Variants in UNC5C observed in about 807,000 individuals in gnomAD.
UNC5C encodes the protein unc-5 netrin receptor C, also known as netrin receptor UNC5C.
A neutral mutation model predicts 99.8 loss-of-function variants in UNC5C; 47 were observed. The observed-to-expected ratio is 0.47, with a 90% CI of 0.37 to 0.60. The LOEUF is 0.60. Among genes scored for constraint, UNC5C ranks in the 20% least tolerant of loss-of-function variants. The pLI is 0.00. For synonymous variants in UNC5C, 487 were observed against 452.2 expected, an observed-to-expected ratio of 1.08 and a Z score of -0.98; for missense variants, 1,062 against 1,165.9, an observed-to-expected ratio of 0.91 and a Z score of 1.30.
chr4:95,417,067 T>A (rs1746185135), intron 1 of UNC5C, among the ~76,000 whole-genome samples: 2 of 152,176 alleles, frequency 1.3e-5, no homozygotes, highest in South Asian at 4.1e-4. Flanking sequence ...AAGGTAAGTG[T>A]GAGAAGCAAG....
chr4:95,219,831 G>C (rs1738400324), intron 8 of UNC5C, among the ~76,000 whole-genome samples, 154 bp downstream of exon 8: 1 of 152,196 alleles, frequency 6.6e-6, no homozygotes. Flanking sequence ...AATTTGTTAT[G>C]TAAATGACAT....
rs117827000 is a variant in UNC5C at position 95,450,078 on chromosome 4, A to T, written c.124+98656T>A. Among the ~76,000 whole-genome samples the T allele has an allele frequency of 3.6e-4, 55 of 152,326 alleles. No homozygotes were observed. The East Asian group carries it at 0.01, about 28-fold the overall frequency. ...TCACCAAGGAGAATTCTATTTTATA[A>T]GAATCTCTCTGTTTCTATCTATACA... On this transcript the variant is annotated intron_variant, in intron 1 of 15. Coordinates refer to ENST00000453304, the MANE Select transcript of UNC5C (RefSeq NM_003728.4).
rs530815653 is a variant in UNC5C, at chr4:95,219,015, A to C, written c.1599T>G (p.Phe533Leu). 1.9e-6 allele frequency: 3 copies of C among 1,613,578 alleles called. No individual in the cohort carries two copies. The highest frequency in any genetic ancestry group is 3.3e-5 in the Admixed American group (2 of 59,972). Residue 533 changes from phenylalanine to leucine, a missense_variant, in exon 9 of 16, where the codon TTT (phenylalanine) becomes TTG (leucine). Physicochemically the swap from Phe to Leu is conservative, Grantham distance 22 (BLOSUM62 0). Transcript: ENST00000453304. ...GACCTCCCAGCGAGTTGAAGCTGCC[A>C]AATGCGGTACAGGATGGATCAGTCT... ...ARQTDPSCTA[F>L]GSFNSLGGHL...
intron 1 of UNC5C, among the ~76,000 whole-genome samples, chr4:95,458,883 T>C (rs548779950): frequency 6.6e-6 from 1 of 152,166 alleles, no homozygotes; most frequent in Admixed American, 6.5e-5. Context: ...GGAATTTATA[T>C]ATATCACTTT....
chr4:95,347,591 A>G (rs1743824688), intron 1 of UNC5C, among the ~76,000 whole-genome samples: 1 of 152,122 alleles, frequency 6.6e-6, no homozygotes. Context: ...TAACAAACCC[A>G]GAAACAAATT....
chr4:95,517,833 G>A (rs545870278), intron 1 of UNC5C, among the ~76,000 whole-genome samples: 4 of 152,040 alleles, frequency 2.6e-5, no homozygotes, highest in Non-Finnish European at 4.4e-5. Flanking sequence ...TTCTAAACAC[G>A]CTGTAAATTA....
chr4:95,190,725 G>A (rs931031260), intron 12 of UNC5C, among the ~76,000 whole-genome samples: 2 of 152,082 alleles, frequency 1.3e-5, no homozygotes, highest in African/African-American at 4.8e-5. Context: ...CTACACACGC[G>A]AACCATCAGT....
At chr4:95,233,269 G>T (rs1738980937) in intron 7 of UNC5C, among the ~76,000 whole-genome samples, 1 of 152,112 alleles carries the variant, frequency 6.6e-6, no homozygotes, top group Non-Finnish European at 1.5e-5. Flanking sequence ...CCAAAGTCAG[G>T]AAGTTCACTG....
intron 10 of UNC5C, among the ~76,000 whole-genome samples, chr4:95,213,735 G>A (rs1291153403): frequency 5.9e-5 from 9 of 152,180 alleles, no homozygotes; most frequent in Non-Finnish European, 1.2e-4. Flanking sequence ...ATTTTCCTAC[G>A]AATGCATAGT....
intron 3 of UNC5C, among the ~76,000 whole-genome samples, chr4:95,282,616 C>A (rs1178714870): frequency 6.6e-6 from 1 of 152,124 alleles, no homozygotes; most frequent in Non-Finnish European, 1.5e-5. Flanking sequence ...TCTGGACAGC[C>A]ATGTAGAAAT....
At chr4:95,234,004 AT>A (rs1211442786) in intron 7 of UNC5C, among the ~76,000 whole-genome samples, 2 of 152,080 alleles carry the variant, frequency 1.3e-5, no homozygotes, top group Non-Finnish European at 2.9e-5. Flanking sequence ...ATACAATTGT[AT>A]TTCAACTTAA....
At chr4:95,384,979 G>A (rs1025485241) in intron 1 of UNC5C, among the ~76,000 whole-genome samples, 3 of 151,638 alleles carry the variant, frequency 2.0e-5, no homozygotes, top group East Asian at 2.0e-4. Context: ...GATAGGACAG[G>A]GTTAAAAAGG....
intron 14 of UNC5C, among the ~76,000 whole-genome samples, chr4:95,176,984 G>GC (rs1358693001): frequency 6.8e-6 from 1 of 146,392 alleles, no homozygotes; most frequent in African/African-American, 2.8e-5. Flanking sequence ...CGCAGTACTT[G>GC]GGGGGGAGTG....
chr4:95,239,128 T>C (rs1349517768), intron 7 of UNC5C, among the ~76,000 whole-genome samples: 5 of 152,130 alleles, frequency 3.3e-5, no homozygotes, highest in Non-Finnish European at 2.9e-5. Context: ...TATTGACAGG[T>C]GTGGCTTATT....
intron 3 of UNC5C, among the ~76,000 whole-genome samples, chr4:95,297,285 A>G (rs949791482): frequency 1.3e-5 from 2 of 152,102 alleles, no homozygotes; most frequent in African/African-American, 4.8e-5. Flanking sequence ...CCCTCAATAC[A>G]CTGGCTGCAT....
chr4:95,344,531 C>T (rs942326779), intron 1 of UNC5C, among the ~76,000 whole-genome samples: 9 of 151,724 alleles, frequency 5.9e-5, no homozygotes, highest in East Asian at 5.8e-4. Context: ...AGCAAGTATA[C>T]GAAAAACACA....
At chr4:95,548,606 T>G in intron 1 of UNC5C, 128 bp downstream of exon 1, 2 of 1,073,356 alleles carry the variant, frequency 1.9e-6, no homozygotes, top group Non-Finnish European at 2.5e-6. Context: ...GAAAGTGGAA[T>G]TTAGAGTGGT....
chr4:95,453,900 A>G (rs768676638), intron 1 of UNC5C, among the ~76,000 whole-genome samples: 11 of 152,164 alleles, frequency 7.2e-5, no homozygotes, highest in Non-Finnish European at 1.3e-4. Flanking sequence ...TCAATGCATA[A>G]GCAGAATTTG....
intron 1 of UNC5C, among the ~76,000 whole-genome samples, chr4:95,456,946 A>C (rs1747444873): frequency 6.6e-6 from 1 of 152,122 alleles, no homozygotes; most frequent in African/African-American, 2.4e-5. Context: ...TAACATGGGC[A>C]ATAAGATGTT....
Sources: gnomAD v4.1 joint callset for allele counts (sites outside exome capture counted in the v4.1 genomes callset) on GRCh38, gnomAD v4.1.1 for gene constraint, MANE v1.5 for transcripts, NCBI Gene and HGNC (gene_info 2026-07-23, HGNC 2026-07-21) for gene names.